The following KAT6A variants were observed in gnomAD, a reference collection of about 807,000 sequenced individuals.
The protein encoded by KAT6A is histone acetyltransferase KAT6A.
In KAT6A, 9 loss-of-function variants were observed where a neutral mutation model predicts 198.4. The observed-to-expected ratio is 0.05, with a 90% CI of 0.03 to 0.08. The LOEUF (loss-of-function observed/expected upper bound fraction) is 0.08, where lower values mean the gene tolerates loss of function less well. Ranked by LOEUF, KAT6A falls within the 10% of genes least tolerant of loss-of-function variation. KAT6A has a pLI of 1.00. For synonymous variants in KAT6A, 890 were observed against 883.0 expected (o/e 1.01, Z -0.14); for missense variants, 2,077 against 2,509.9 (o/e 0.83, Z 3.69).
chr8:41,974,764 C>T lies in KAT6A; in HGVS notation c.1422G>A (p.Gln474=). The T allele has an allele frequency of 6.2e-7, 1 of 1,610,142 alleles. No homozygotes were observed. The highest frequency in any genetic ancestry group is 1.7e-5 in the Admixed American group (1 of 59,422). ...QENEERLFGS[Q]EIMTEKDMEL... ...CCATATCTTTCTCAGTCATGATTTC[C>T]TGGCTCCCAAAAAGTCGCTCCTCAT... is the stretch of plus-strand genomic sequence containing the variant. Residue 474 remains glutamine (Q), a synonymous_variant, in exon 8 of 17, where the codon CAG becomes CAA. Transcript: ENST00000265713.
chr8:41,983,754 A>G (rs1442722227), intron 3 of KAT6A, among the ~76,000 whole-genome samples: 1 of 152,256 alleles, frequency 6.6e-6, no homozygotes, highest in Non-Finnish European at 1.5e-5. Context: ...CACCAGCAAA[A>G]GAACAAGTGT....
chr8:42,020,112 T>C (rs1315361817), intron 2 of KAT6A, among the ~76,000 whole-genome samples: 1 of 152,096 alleles, frequency 6.6e-6, no homozygotes, highest in Non-Finnish European at 1.5e-5. Context: ...AAGTGAAGAG[T>C]GATATGCTGC....
intron 5 of KAT6A, among the ~76,000 whole-genome samples, chr8:41,979,729 G>A (rs976193915): frequency 2.0e-5 from 3 of 151,146 alleles, no homozygotes; most frequent in East Asian, 2.0e-4. Context: ...GGCTGGGCGC[G>A]GTGGCTCATG....
At chr8:41,996,548 G>GCCTGATTC (rs1825213482) in intron 2 of KAT6A, among the ~76,000 whole-genome samples, 1 of 152,180 alleles carries the variant, frequency 6.6e-6, no homozygotes, top group African/African-American at 2.4e-5. Context: ...TAAGAGGTGG[G>GCCTGATTC]GGCTTTCGGA....
chr8:42,037,036 G>T (rs1248704757), intron 2 of KAT6A, among the ~76,000 whole-genome samples: 1 of 152,034 alleles, frequency 6.6e-6, no homozygotes, highest in Non-Finnish European at 1.5e-5. Flanking sequence ...AGAGATGTTG[G>T]TTCTAAGCAT....
chr8:42,021,298 C>A (rs1226691493), intron 2 of KAT6A, among the ~76,000 whole-genome samples: 1 of 152,070 alleles, frequency 6.6e-6, no homozygotes, highest in African/African-American at 2.4e-5. Context: ...TGTGAGTTAA[C>A]AAACTGATAC....
At chr8:41,990,279 A>G (rs1217759678) in intron 2 of KAT6A, among the ~76,000 whole-genome samples, 1 of 152,218 alleles carries the variant, frequency 6.6e-6, no homozygotes, top group African/African-American at 2.4e-5. Flanking sequence ...GGACTGTATT[A>G]AGGCGCTGAG....
intron 10 of KAT6A, 73 bp downstream of exon 10, chr8:41,949,149 G>T: frequency 2.0e-6 from 2 of 977,458 alleles, no homozygotes; most frequent in Non-Finnish European, 1.4e-6. Context: ...ATAGAAAGTT[G>T]CACAATAGAT....
intron 2 of KAT6A, among the ~76,000 whole-genome samples, chr8:42,031,617 C>CTTTTTTTT (rs11329714): frequency 1.5e-5 from 1 of 65,060 alleles, no homozygotes; most frequent in East Asian, 6.0e-4. Flanking sequence ...GGAGCATTCA[C>CTTTTTTTT]TTTTTTTTTT....
At chr8:41,954,947 AAC>A in intron 9 of KAT6A, among the ~76,000 whole-genome samples, 1 of 152,282 alleles carries the variant, frequency 6.6e-6, no homozygotes, top group African/African-American at 2.4e-5. Context: ...AATCAACTGA[AAC>A]TTTATATTAA....
intron 8 of KAT6A, among the ~76,000 whole-genome samples, chr8:41,967,574 A>G (rs1482900533): frequency 1.3e-5 from 2 of 151,522 alleles, no homozygotes; most frequent in Admixed American, 1.3e-4. Flanking sequence ...GCGATAGTTT[A>G]CTGAGAATGA....
intron 2 of KAT6A, 49 bp downstream of exon 2, chr8:42,048,329 C>T (rs1360659128): frequency 1.9e-6 from 3 of 1,566,570 alleles, no homozygotes; most frequent in Non-Finnish European, 2.6e-6. Context: ...GAATTTGTAG[C>T]ATCCTATATC....
intron 2 of KAT6A, among the ~76,000 whole-genome samples, chr8:42,025,455 C>T (rs1826765922): frequency 6.6e-6 from 1 of 152,108 alleles, no homozygotes; most frequent in Admixed American, 6.6e-5. Context: ...CTCAGGTGAT[C>T]CGCCCTCCTC....
chr8:41,944,851 T>A (rs1172853653), intron 12 of KAT6A, among the ~76,000 whole-genome samples: 1 of 152,126 alleles, frequency 6.6e-6, no homozygotes, highest in Non-Finnish European at 1.5e-5. Context: ...GTAATCTGAG[T>A]TCCATCCCCT....
At position 41,978,743 on chromosome 8, in the gene KAT6A, T is replaced by C. The variant is rs1824198586; in HGVS notation, c.942A>G (p.Lys314=). The change falls in exon 6 of 17, where the codon AAA becomes AAG. Residue 314 remains lysine, a synonymous_variant. Coordinates refer to ENST00000265713, the MANE Select transcript of KAT6A (RefSeq NM_006766.5). The part of the protein sequence containing the change: ...MWICQICRPR[K]KGRKLLQKKA... ...TCTTTTGTAGAAGTTTTCGTCCTTT[T>C]TTCCTAGGTCGACATATTTGACATA... The C allele has an allele frequency of 6.2e-7, 1 of 1,613,890 alleles. No homozygotes were observed. Among genetic ancestry groups the C allele is most frequent in the Admixed American group, 1.7e-5 (1 of 60,006 alleles).
At chr8:41,983,455 T>C (rs1267856330) in intron 3 of KAT6A, among the ~76,000 whole-genome samples, 1 of 152,372 alleles carries the variant, frequency 6.6e-6, no homozygotes, top group South Asian at 2.1e-4. Flanking sequence ...TTAGCAAACA[T>C]ACAGTTTTTG....
At chr8:41,971,611 T>C (rs1587763269) in intron 8 of KAT6A, among the ~76,000 whole-genome samples, 2 of 12,494 alleles carry the variant, frequency 1.6e-4, no homozygotes, top group South Asian at 6.5e-3. Flanking sequence ...GAACAGACTC[T>C]TTTTTTTTTT....
At chr8:41,952,092 AGCT>A (rs758795031) in intron 9 of KAT6A, among the ~76,000 whole-genome samples, 3 of 152,238 alleles carry the variant, frequency 2.0e-5, no homozygotes, top group Non-Finnish European at 4.4e-5. Context: ...TGGTAATTAC[AGCT>A]GCTATTACTT....
In KAT6A at chr8:41,977,216, C is replaced by A; in HGVS notation, c.1155G>T (p.Glu385Asp). 6.2e-7 allele frequency: 1 copy of A among 1,614,196 alleles called. No homozygotes were observed. The highest frequency in any genetic ancestry group is 8.5e-7 in the Non-Finnish European group (1 of 1,180,016). ...TGCAGAAGTCCAAGCCATCTATCCG[C>A]TCTAAATATCCTTCTTCTGATGATG... Reference protein sequence around the residue: ...ASSSSEEGYLERIDGLDFCRD... With the variant: ...ASSSSEEGYLDRIDGLDFCRD... Residue 385 changes from glutamate to aspartate, a missense_variant, in exon 7 of 17, where the codon GAG becomes GAT. Physicochemically the swap from Glu to Asp is conservative, Grantham distance 45. Transcript: ENST00000265713.
Sources: allele counts gnomAD v4.1 joint callset (sites outside exome capture counted in the v4.1 genomes callset), GRCh38; gene constraint gnomAD v4.1.1; transcripts MANE v1.5; gene names NCBI Gene and HGNC (gene_info 2026-07-23, HGNC 2026-07-21).